Variants in DENND1C observed in about 807,000 individuals in gnomAD.
DENND1C encodes DENN domain-containing protein 1C.
A neutral mutation model predicts 87.9 loss-of-function variants in DENND1C; 64 were observed. That is an observed-to-expected ratio of 0.73 (90% CI 0.60 to 0.90). The LOEUF (loss-of-function observed/expected upper bound fraction) is 0.90. Among genes scored for constraint, DENND1C ranks in the 40% least tolerant of loss-of-function variants. The pLI is 0.00. For synonymous variants in DENND1C, 384 were observed against 424.4 expected, an observed-to-expected ratio of 0.90 and a Z score of 1.17; for missense variants, 980 against 1,037.0, an observed-to-expected ratio of 0.95 and a Z score of 0.76.
chr19:6,479,998 G>A lies in DENND1C; in HGVS notation c.71C>T (p.Ser24Phe). 6.2e-7 allele frequency: 1 copy of A among 1,610,150 alleles called. No homozygotes were observed. Among genetic ancestry groups the A allele is most frequent in the Non-Finnish European group, 8.5e-7 (1 of 1,178,474 alleles). ...DWFFEAACPA[S>F]LQEDPPILRQ... ...GGCTCCCAACTCACCCTCCTGCAGG[G>A]AGGCAGGGCAGGCCGCTTCGAAGAA... The change falls in exon 2 of 23, where the codon TCC becomes TTC. Residue 24 changes from serine (S) to phenylalanine (F), a missense_variant. Physicochemically the swap from Ser to Phe is radical, Grantham distance 155. Coordinates refer to ENST00000381480, the MANE Select transcript of DENND1C (RefSeq NM_024898.4).
At position 6,472,973 on chromosome 19, in the gene DENND1C, A is replaced by G; in HGVS notation, c.1074T>C (p.Ser358=). The change falls in exon 15 of 23, where the codon AGT becomes AGC. Residue 358 remains serine, a synonymous_variant. Coordinates refer to ENST00000381480, the MANE Select transcript of DENND1C (RefSeq NM_024898.4). The part of the protein sequence containing the change: ...VCSPGQPVTF[S]EEVFLAQKPG... ...GCTTCTGGGCCAAGAAGACTTCCTC[A>G]CTGAAGGTCACTGGCTGGCCCTGGA... is the stretch of plus-strand genomic sequence containing the variant. 1 of 1,571,836 alleles carries G rather than the reference A, an allele frequency of 6.4e-7. No homozygotes were observed.
intron 14 of DENND1C, among the ~76,000 whole-genome samples, chr19:6,473,376 A>G (rs966246931): frequency 6.6e-6 from 1 of 150,800 alleles, no homozygotes; most frequent in Non-Finnish European, 1.5e-5. Flanking sequence ...GTTGGTCTCC[A>G]TCTCTTGACC....
At chr19:6,473,816 G>GGGGGGGGGGGGGGGA (rs1231177042) in intron 14 of DENND1C, among the ~76,000 whole-genome samples, 258 of 131,436 alleles carry the variant, frequency 2.0e-3, no homozygotes, top group Middle Eastern at 3.6e-3. Flanking sequence ...GGGGGGTGGG[G>GGGGGGGGGGGGGGGA]GGAGGGAAAT....
Position 6,470,277 on chromosome 19 carries a change from T to C in DENND1C, c.1362+18A>G. 1.3e-6 allele frequency: 2 copies of C among 1,599,242 alleles called. No individual in the cohort carries two copies. The highest frequency in any genetic ancestry group is 1.7e-5 in the Admixed American group (1 of 57,328). ...CCTCGTCACCCCAGCAAGAGTGGCC[T>C]GTCCAGCTCAGCCTCACCGAGCGGT... is the stretch of plus-strand genomic sequence containing the variant. On this transcript the variant is annotated intron_variant, in intron 18 of 22. Transcript: ENST00000381480.
Position 6,467,616 on chromosome 19 carries a change from C to T in DENND1C, c.2294G>A (p.Arg765Gln), listed in dbSNP as rs114954805. The change falls in exon 23 of 23, where the codon CGG (arginine) becomes CAG (glutamine). Residue 765 changes from arginine (R) to glutamine (Q), a missense_variant. Arg to Gln is a conservative substitution (Grantham distance 43). Coordinates refer to ENST00000381480, the MANE Select transcript of DENND1C (RefSeq NM_024898.4). The stretch of plus-strand genomic sequence containing the variant: ...GGAATTCAGGGCTCCTGGTTCCTCC[C>T]GTGGCTGGAGGTGAGCGCGCTCTGC... ...LLAERAHLQPREEPGALNSPA... is the reference protein window; with the variant it reads ...LLAERAHLQPQEEPGALNSPA... The T allele has an allele frequency of 1.1e-3, 1,790 of 1,573,860 alleles. 23 individuals carry two copies. In the African/African-American group the frequency reaches 0.022, roughly 19 times the overall value.
intron 10 of DENND1C, 158 bp from the exon 11 acceptor site, chr19:6,476,095 A>G (rs1365019249): frequency 2.8e-6 from 2 of 725,214 alleles, no homozygotes; most frequent in East Asian, 2.9e-5. Context: ...TCATGTGGAG[A>G]CCAGGAATTT....
chr19:6,468,050 C>T lies in DENND1C; in HGVS notation c.1860G>A (p.Leu620=), dbSNP rs34222984. The change falls in exon 23 of 23, where the codon CTG becomes CTA. Residue 620 remains leucine (L), a synonymous_variant. Transcript: ENST00000381480. ...LPEPEPQPLS[L]PSLQNASSLD... is the part of the protein sequence containing the mutation. The stretch of plus-strand genomic sequence containing the variant: ...AAGACGAGGCATTTTGCAGGGATGG[C>T]AGGGAAAGGGGCTGGGGCTCCGGCT... The T allele has an allele frequency of 5.7e-3, 9,138 of 1,613,664 alleles. 457 individuals are homozygous for T. In the African/African-American group the frequency reaches 0.11, roughly 19 times the overall value.
intron 1 of DENND1C, among the ~76,000 whole-genome samples, chr19:6,481,146 TC>T (rs1207549990): frequency 2.6e-5 from 4 of 151,372 alleles, no homozygotes; most frequent in Non-Finnish European, 5.9e-5. Context: ...TCTGCTTTCC[TC>T]CTCTGCCCCC....
In DENND1C at chr19:6,477,357, C is replaced by A. The variant is rs757777014; in HGVS notation, c.447+21G>T. The A allele has an allele frequency of 2.7e-5, 44 of 1,613,038 alleles. 1 individual carries two copies. The East Asian group carries it at 9.6e-4, about 35-fold the overall frequency. On this transcript the variant is annotated intron_variant, in intron 7 of 22. Coordinates refer to ENST00000381480, the MANE Select transcript of DENND1C (RefSeq NM_024898.4). The stretch of plus-strand genomic sequence containing the variant: ...TCCCATCCACCTAAGGTCCAGCGCC[C>A]AGGGAATGGGAGCTACTCACCAGCT...
rs2092801149 is a variant in DENND1C at position 6,467,444 on chromosome 19, G to A, written c.*60C>T. On this transcript the variant is annotated 3_prime_UTR_variant, in exon 23 of 23. Transcript: ENST00000381480. The stretch of plus-strand genomic sequence containing the variant: ...GAGAAATTCACCAGGAAAAAAACCA[G>A]CTTTTTTGGGCTCTTGTGGCTTTAT... 2 of 1,461,168 alleles carry A rather than the reference G, an allele frequency of 1.4e-6. No individual in the cohort carries two copies. The highest frequency in any genetic ancestry group is 5.1e-5 in the East Asian group (2 of 39,046). The allele number at this position is 1,461,168 out of a possible 1,614,324, so 90.5% of individuals were successfully genotyped here. A position where few individuals can be genotyped will look rare whatever the true frequency, so the allele number is the denominator to read the frequency against.
rs527583487 is a variant in DENND1C, at chr19:6,473,075, T to C, written c.1054-82A>G. The C allele has an allele frequency of 1.1e-3, 1,148 of 1,037,396 alleles. 1 individual carries two copies. Among genetic ancestry groups the C allele is most frequent in the Middle Eastern group, 1.5e-3 (6 of 3,940 alleles). 64.3% of individuals were successfully genotyped at this position (1,037,396 alleles called of 1,614,324 possible). On this transcript the variant is annotated intron_variant, in intron 14 of 22. Coordinates refer to ENST00000381480, the MANE Select transcript of DENND1C (RefSeq NM_024898.4). ...CTACTATATATTTATGTAGCAAACA[T>C]TGATTAGGCACTTGCTGTGTGTCTG...
Position 6,472,910 on chromosome 19 carries a change from C to G in DENND1C, c.1137G>C (p.Val379=). 1 of 1,579,480 alleles carries G rather than the reference C, an allele frequency of 6.3e-7. No individual in the cohort carries two copies. The highest frequency in any genetic ancestry group is 1.2e-5 in the South Asian group (1 of 85,736). The part of the protein sequence containing the change: ...APLQAFHRRA[V]HLQLFKQFIE... ...ATACCTGTTTGAACAGCTGCAGGTG[C>G]ACAGCCCGCCGGTGGAAGGCCTGCA... The change falls in exon 15 of 23, where the codon GTG becomes GTC. Residue 379 remains valine (V), a synonymous_variant. Coordinates refer to ENST00000381480, the MANE Select transcript of DENND1C (RefSeq NM_024898.4).
chr19:6,468,165 G>C, intron 22 of DENND1C, 47 bp from the exon 23 acceptor site: 1 of 1,610,460 alleles, frequency 6.2e-7, no homozygotes, highest in Non-Finnish European at 8.5e-7. Flanking sequence ...TGGCAGAGGG[G>C]CTGGCAAGTT....
chr19:6,480,091 C>T (rs2145218129), intron 1 of DENND1C, 40 bp from the exon 2 acceptor site: 4 of 1,580,394 alleles, frequency 2.5e-6, no homozygotes, highest in Non-Finnish European at 3.4e-6. Flanking sequence ...TGCTTCTATG[C>T]ATGTGTGGTT....
intron 18 of DENND1C, chr19:6,470,011 A>T (rs1340030341): frequency 4.2e-6 from 2 of 479,742 alleles, no homozygotes; most frequent in Admixed American, 7.0e-5. Context: ...GCATCCAAGG[A>T]CAAAAAGAAT....
At position 6,472,919 on chromosome 19, in the gene DENND1C, C is replaced by A. The variant is rs74800876; in HGVS notation, c.1128G>T (p.Arg376=). ...KPGAPLQAFH[R]RAVHLQLFKQ... is the part of the protein sequence containing the mutation. Reference sequence around the variant, plus strand: ...TGAACAGCTGCAGGTGCACAGCCCGCCGGTGGAAGGCCTGCAGAGGTGCCC... The same window carrying A: ...TGAACAGCTGCAGGTGCACAGCCCGACGGTGGAAGGCCTGCAGAGGTGCCC... The change falls in exon 15 of 23, where the codon CGG becomes CGT. Residue 376 remains arginine (R), a synonymous_variant. Transcript: ENST00000381480. 0.025 allele frequency: 39,302 copies of A among 1,589,992 alleles called. 558 individuals carry two copies. Among genetic ancestry groups the A allele is most frequent in the Non-Finnish European group, 0.029 (33,553 of 1,169,194 alleles).
At position 6,475,875 on chromosome 19, in the gene DENND1C, C is replaced by G. The variant is rs754066003; in HGVS notation, c.741G>C (p.Leu247=). The change falls in exon 11 of 23, where the codon CTG becomes CTC. Residue 247 remains leucine, a synonymous_variant. Coordinates refer to ENST00000381480, the MANE Select transcript of DENND1C (RefSeq NM_024898.4). ...LLYPMRWEHV[L]IPTLPPHLLD... ...GCAGGTGTGGGGGCAGCGTGGGGAT[C>G]AGCACGTGCTCCCAGCGCATGGGGT... 6.4e-7 allele frequency: 1 copy of G among 1,558,084 alleles called. No individual in the cohort carries two copies. The highest frequency in any genetic ancestry group is 8.6e-7 in the Non-Finnish European group (1 of 1,158,776).
Position 6,469,652 on chromosome 19 carries a change from T to C in DENND1C, c.1363-12A>G. 6.2e-7 allele frequency: 1 copy of C among 1,602,450 alleles called. No homozygotes were observed. The highest frequency in any genetic ancestry group is 8.5e-7 in the Non-Finnish European group (1 of 1,174,484). ...AAGCCACTCTTGGCCTATAAAGGAG[T>C]GGACAGAGAATTACCCAAGGGTGGT... On this transcript the variant is annotated splice_polypyrimidine_tract_variant and intron_variant, in intron 18 of 22. Coordinates refer to ENST00000381480, the MANE Select transcript of DENND1C (RefSeq NM_024898.4).
At chr19:6,471,349 G>A (rs12610646) in intron 16 of DENND1C, 44 bp from the exon 17 acceptor site, 6 of 1,592,084 alleles carry the variant, frequency 3.8e-6, no homozygotes, top group Non-Finnish European at 5.1e-6. Flanking sequence ...GGCTGGCTGA[G>A]GCTGGGGGTG....
Sources: gnomAD v4.1 joint callset for allele counts (sites outside exome capture counted in the v4.1 genomes callset) on GRCh38, gnomAD v4.1.1 for gene constraint, MANE v1.5 for transcripts, NCBI Gene and HGNC (gene_info 2026-07-23, HGNC 2026-07-21) for gene names.